PECAM1: variants seen among roughly 807,000 people sequenced by gnomAD.
PECAM1 encodes the protein platelet and endothelial cell adhesion molecule 1, also known as platelet endothelial cell adhesion molecule.
A neutral mutation model predicts 13.8 loss-of-function variants in PECAM1; 8 were observed. That is an observed-to-expected ratio of 0.58 (90% CI 0.34 to 1.05). The LOEUF (loss-of-function observed/expected upper bound fraction) is 1.05, where lower values mean the gene tolerates loss of function less well. Among genes scored for constraint, PECAM1 ranks in the 50% least tolerant of loss-of-function variants. The pLI is 0.03. For missense variants in PECAM1, 304 were observed against 141.2 expected, an observed-to-expected ratio of 2.15 and a Z score of -5.84; for synonymous variants, 136 against 52.6, an observed-to-expected ratio of 2.58 and a Z score of -6.86.
At chr17:64,361,492 G>T (rs2035979310) in intron 6 of PECAM1, among the ~76,000 whole-genome samples, 1 of 151,826 alleles carries the variant, frequency 6.6e-6, no homozygotes, top group African/African-American at 2.4e-5. Context: ...GGTGGCTCAT[G>T]CCTGTAATCC....
chr17:64,349,890 A>G lies in PECAM1; in HGVS notation c.2044+490T>C, dbSNP rs937299989. Among the ~76,000 whole-genome samples, 848 of 152,294 alleles carry G rather than the reference A, an allele frequency of 5.6e-3. 9 individuals are homozygous for G. Among genetic ancestry groups the G allele is most frequent in the African/African-American group, 0.019 (795 of 41,554 alleles). ...ACAGAGCGAGACTCTTGTCTCAAGA[A>G]AAAAACAAAAAAAAGAAAGAAAGGA... On this transcript the variant is annotated intron_variant, in intron 12 of 15. Transcript: ENST00000563924.
chr17:64,335,888 G>GAGA (rs2035264275), intron 14 of PECAM1, among the ~76,000 whole-genome samples: 7 of 152,198 alleles, frequency 4.6e-5, no homozygotes, highest in African/African-American at 1.7e-4. Context: ...GTCTACAGAG[G>GAGA]TGGAATAATA....
At position 64,377,810 on chromosome 17, in the gene PECAM1, T is replaced by C; in HGVS notation, c.385+14A>G. On this transcript the variant is annotated intron_variant, in intron 3 of 15. Transcript: ENST00000563924. ...GCTCCATCTGCTTGCCTGTGCTCAGTTCCAAGGACTCACCTTCCACCAACA... is the reference window on the plus strand; with the variant it reads ...GCTCCATCTGCTTGCCTGTGCTCAGCTCCAAGGACTCACCTTCCACCAACA... 1 of 475,170 alleles carries C rather than the reference T, an allele frequency of 2.1e-6. No homozygotes were observed. The highest frequency in any genetic ancestry group is 3.9e-6 in the Non-Finnish European group (1 of 259,080). The allele number at this position is 475,170 out of a possible 1,614,324, so 29.4% of individuals were successfully genotyped here.
rs900849807 is a variant in PECAM1, at chr17:64,375,109, A to T, written c.633T>A (p.Ile211=). The T allele has an allele frequency of 1.7e-5, 8 of 475,258 alleles. No homozygotes were observed. Among genetic ancestry groups the T allele is most frequent in the Admixed American group, 3.2e-5 (1 of 31,732 alleles). The allele number at this position is 475,258 out of a possible 1,614,324, so 29.4% of individuals were successfully genotyped here. ...VLSFRCQARI[I]SGIHMQTSES... ...CTGAGGTCTGCATATGGATCCCAGA[A>T]ATGATCCTAGCTTGACATCGGAAGG... Residue 211 remains isoleucine, a synonymous_variant, in exon 4 of 16, where the codon ATT becomes ATA. Coordinates refer to ENST00000563924, the MANE Select transcript of PECAM1 (RefSeq NM_000442.5).
chr17:64,372,722 C>T lies in PECAM1; in HGVS notation c.691+2329G>A, dbSNP rs1392214928. Among the ~76,000 whole-genome samples, 3 of 152,034 alleles carry T rather than the reference C, an allele frequency of 2.0e-5. No homozygotes were observed. The South Asian group carries it at 6.2e-4, about 32-fold the overall frequency. ...TTCACCATGCTGGCCAGGCTGGTCTCAAACTCCTGATTTCAGGTGATCCGC... is the reference window on the plus strand; with the variant it reads ...TTCACCATGCTGGCCAGGCTGGTCTTAAACTCCTGATTTCAGGTGATCCGC... On this transcript the variant is annotated intron_variant, in intron 4 of 15. Transcript: ENST00000563924.
chr17:64,372,264 A>G (rs2036258702), intron 4 of PECAM1, among the ~76,000 whole-genome samples: 3 of 152,094 alleles, frequency 2.0e-5, no homozygotes, highest in African/African-American at 7.2e-5. Context: ...AGAAAGAAAG[A>G]AAGAAAAAGT....
rs1490892819 is a variant in PECAM1 at position 64,341,617 on chromosome 17, T to A, written c.2164+17A>T. ...GGGGGCATCCCCCAGGCTGGGGCAC[T>A]GGAGACCCTCACTCACCAGGGACAG... On this transcript the variant is annotated intron_variant, in intron 14 of 15. Transcript: ENST00000563924. 2.2e-6 allele frequency: 1 copy of A among 447,994 alleles called. No homozygotes were observed. 27.8% of individuals were successfully genotyped at this position (447,994 alleles called of 1,614,324 possible).
At chr17:64,353,337 ACAC>A (rs2035774834) in intron 10 of PECAM1, among the ~76,000 whole-genome samples, 151 bp downstream of exon 10, 1 of 139,274 alleles carries the variant, frequency 7.2e-6, no homozygotes, top group African/African-American at 2.6e-5. Flanking sequence ...ACACACACAC[ACAC>A]AACTCACACA....
At chr17:64,349,980 C>T (rs940975578) in intron 12 of PECAM1, among the ~76,000 whole-genome samples, 32 of 152,256 alleles carry the variant, frequency 2.1e-4, no homozygotes, top group South Asian at 1.5e-3. Context: ...CAGCCCAGAG[C>T]GAAAGGAATT....
At position 64,323,853 on chromosome 17, in the gene PECAM1, G is replaced by A. The variant is rs117766978; in HGVS notation, c.2188-8C>T. On this transcript the variant is annotated splice_region_variant and splice_polypyrimidine_tract_variant and intron_variant, in intron 15 of 15. Coordinates refer to ENST00000563924, the MANE Select transcript of PECAM1 (RefSeq NM_000442.5). ...AAGGGAGCCTTCCGTTCTCTGTAGC[G>A]ACAAGAAACAAGGCAAGTTATGATC... 293 of 806,042 alleles carry A rather than the reference G, an allele frequency of 3.6e-4. 1 individual carries two copies. Among genetic ancestry groups the A allele is most frequent in the Admixed American group, 9.0e-4 (53 of 59,048 alleles). The allele number at this position is 806,042 out of a possible 1,614,324, so 49.9% of individuals were successfully genotyped here. A position where few individuals can be genotyped will look rare whatever the true frequency, so the allele number is the denominator to read the frequency against.
rs1037018203 is a variant in PECAM1 at position 64,386,279 on chromosome 17, C to T, written c.91+4210G>A. Among the ~76,000 whole-genome samples the T allele has an allele frequency of 1.2e-3, 187 of 151,870 alleles. 1 individual carries two copies. Among genetic ancestry groups the T allele is most frequent in the African/African-American group, 4.3e-3 (180 of 41,416 alleles). ...AATTAGCCGGGCATGGTGGTTCGTG[C>T]CTGTAATTGCAGCTACTCAGGAGGG... On this transcript the variant is annotated intron_variant, in intron 2 of 15. Transcript: ENST00000563924.
In PECAM1 at chr17:64,348,340, A is replaced by G. The variant is rs988552254; in HGVS notation, c.2045-18T>C. On this transcript the variant is annotated intron_variant, in intron 12 of 15. Transcript: ENST00000563924. ...CAGAGGCTCTGCTCAAAGAAACCAC[A>G]GCAGCTTGTTGTTTAGGTGGAATCT... 4.2e-5 allele frequency: 20 copies of G among 474,588 alleles called. No individual in the cohort carries two copies. Among genetic ancestry groups the G allele is most frequent in the African/African-American group, 4.0e-4 (20 of 50,418 alleles). 29.4% of individuals were successfully genotyped at this position (474,588 alleles called of 1,614,324 possible). A position where few individuals can be genotyped will look rare whatever the true frequency, so the allele number is the denominator to read the frequency against.
At chr17:64,340,561 T>C (rs1453701556) in intron 14 of PECAM1, among the ~76,000 whole-genome samples, 20 of 152,014 alleles carry the variant, frequency 1.3e-4, no homozygotes, top group African/African-American at 4.6e-4. Context: ...AATTTAAAAG[T>C]TGTCATTGTG....
intron 5 of PECAM1, among the ~76,000 whole-genome samples, chr17:64,368,786 G>A: frequency 6.6e-6 from 1 of 150,996 alleles, no homozygotes; most frequent in South Asian, 2.1e-4. Context: ...CTGGGAGGCA[G>A]AGGTTGTAGT....
At chr17:64,356,855 G>T (rs1429069155) in intron 7 of PECAM1, among the ~76,000 whole-genome samples, 1 of 152,016 alleles carries the variant, frequency 6.6e-6, no homozygotes, top group Non-Finnish European at 1.5e-5. Context: ...TTTCCTTTAT[G>T]CTTTGACTCC....
At position 64,358,111 on chromosome 17, in the gene PECAM1, C is replaced by CTTTTTTTTT. The variant is rs141671796; in HGVS notation, c.1493-1722_1493-1714dup. On this transcript the variant is annotated intron_variant, in intron 7 of 15. Transcript: ENST00000563924. The stretch of plus-strand genomic sequence containing the variant: ...TCCAGCCATCTGATTTGGCCACAGT[C>CTTTTTTTTT]TTTTTTTTTTTTTTTTTTTTTTTTT... 1.9e-3 allele frequency among the ~76,000 whole-genome samples: 136 copies of CTTTTTTTTT among 71,550 alleles called. 18 individuals carry two copies. Among genetic ancestry groups the CTTTTTTTTT allele is most frequent in the East Asian group, 5.4e-3 (10 of 1,868 alleles). The allele number at this position is 71,550 out of a possible 152,430, so 46.9% of individuals were successfully genotyped here.
intron 15 of PECAM1, among the ~76,000 whole-genome samples, chr17:64,327,376 C>T (rs1188144897): frequency 1.3e-5 from 2 of 152,166 alleles, no homozygotes; most frequent in Non-Finnish European, 2.9e-5. Context: ...TTGTCATCAC[C>T]ATCTCCACTT....
In PECAM1 at chr17:64,356,418, T is replaced by A; in HGVS notation, c.1493-20A>T. The A allele has an allele frequency of 2.2e-6, 1 of 453,406 alleles. No homozygotes were observed. The highest frequency in any genetic ancestry group is 4.0e-6 in the Non-Finnish European group (1 of 248,670). 28.1% of individuals were successfully genotyped at this position (453,406 alleles called of 1,614,324 possible). On this transcript the variant is annotated intron_variant, in intron 7 of 15. Coordinates refer to ENST00000563924, the MANE Select transcript of PECAM1 (RefSeq NM_000442.5). ...CCGGGGCTGAAAAGCAGGAAAAGGA[T>A]TCACACTGAGCAAAGAAGGGCAGAG...
chr17:64,385,331 G>C (rs2036569704), intron 2 of PECAM1, among the ~76,000 whole-genome samples: 1 of 152,146 alleles, frequency 6.6e-6, no homozygotes. Flanking sequence ...GTGGATGGTG[G>C]TGCTCCCTGG....
Sources: gnomAD v4.1 joint callset for allele counts (sites outside exome capture counted in the v4.1 genomes callset) on GRCh38, gnomAD v4.1.1 for gene constraint, MANE v1.5 for transcripts, NCBI Gene and HGNC (gene_info 2026-07-23, HGNC 2026-07-21) for gene names.